The following GRIK2 variants were observed in gnomAD, a reference collection of about 807,000 sequenced individuals.
The protein encoded by GRIK2 is glutamate ionotropic receptor kainate type subunit 2, also known as glutamate receptor ionotropic, kainate 2.
In GRIK2, 32 loss-of-function variants were observed where a neutral mutation model predicts 100.3. The ratio of observed to expected loss-of-function variants is 0.32; its 90% CI spans 0.24 to 0.43. GRIK2 has a LOEUF of 0.43. Among genes scored for constraint, GRIK2 ranks in the 20% least tolerant of loss-of-function variants. GRIK2 has a pLI of 1.00. For missense variants in GRIK2, 843 were observed against 1,114.9 expected, an observed-to-expected ratio of 0.76 and a Z score of 3.47; for synonymous variants, 417 against 389.4, an observed-to-expected ratio of 1.07 and a Z score of -0.83.
At chr6:102,021,593 T>C (rs1279187732) in intron 14 of GRIK2, among the ~76,000 whole-genome samples, 1 of 151,622 alleles carries the variant, frequency 6.6e-6, no homozygotes, top group East Asian at 1.9e-4. Context: ...AGAGGTAATG[T>C]CCTAGAGTTT....
chr6:101,954,585 TATTA>T (rs1186249669), intron 14 of GRIK2, among the ~76,000 whole-genome samples: 1 of 152,194 alleles, frequency 6.6e-6, no homozygotes, highest in Non-Finnish European at 1.5e-5. Context: ...AGAACTCTTC[TATTA>T]ATTCTCAAAG....
intron 8 of GRIK2, among the ~76,000 whole-genome samples, chr6:101,801,449 A>G (rs1780662942): frequency 6.6e-6 from 1 of 152,022 alleles, no homozygotes; most frequent in Non-Finnish European, 1.5e-5. Context: ...TAAGTATCCA[A>G]ATATCATATG....
At chr6:101,587,124 T>A (rs28726672) in intron 2 of GRIK2, among the ~76,000 whole-genome samples, 1 of 151,918 alleles carries the variant, frequency 6.6e-6, no homozygotes, top group South Asian at 2.1e-4. Flanking sequence ...AATAGGGTTT[T>A]AAAAATGAAT....
At chr6:101,804,046 C>A (rs1780834065) in intron 9 of GRIK2, among the ~76,000 whole-genome samples, 1 of 151,814 alleles carries the variant, frequency 6.6e-6, no homozygotes. Flanking sequence ...TAAGATAATA[C>A]ATATTTGTAA....
chr6:101,717,953 TAA>T (rs1774184342), intron 7 of GRIK2, among the ~76,000 whole-genome samples: 1 of 151,808 alleles, frequency 6.6e-6, no homozygotes, highest in African/African-American at 2.4e-5. Flanking sequence ...AATGCCATAT[TAA>T]GTTATATTAG....
intron 2 of GRIK2, among the ~76,000 whole-genome samples, chr6:101,588,287 T>C (rs1409967726): frequency 1.3e-5 from 2 of 151,924 alleles, no homozygotes; most frequent in Non-Finnish European, 1.5e-5. Context: ...AGGAAAGATG[T>C]ATATGTAAAA....
chr6:101,457,141 A>T (rs1288162563), intron 2 of GRIK2, among the ~76,000 whole-genome samples: 2 of 152,164 alleles, frequency 1.3e-5, no homozygotes, highest in Non-Finnish European at 2.9e-5. Flanking sequence ...AGCTGCAGAT[A>T]TGTAACTGTC....
At chr6:101,982,116 G>A (rs1793746713) in intron 14 of GRIK2, among the ~76,000 whole-genome samples, 1 of 151,902 alleles carries the variant, frequency 6.6e-6, no homozygotes, top group South Asian at 2.1e-4. Flanking sequence ...AATTTGTGGT[G>A]GAGCTAGGGA....
intron 12 of GRIK2, among the ~76,000 whole-genome samples, chr6:101,901,501 C>T (rs564716654): frequency 2.0e-5 from 3 of 151,622 alleles, no homozygotes; most frequent in African/African-American, 7.2e-5. Context: ...AATTTGTAAT[C>T]CCATAACAAT....
rs1438067144 is a variant in GRIK2, at chr6:101,504,042, T to A, written c.115+104650T>A. Among the ~76,000 whole-genome samples, 7 of 152,242 alleles carry A rather than the reference T, an allele frequency of 4.6e-5. No homozygotes were observed. In the East Asian group the frequency reaches 1.2e-3, roughly 25 times the overall value. On this transcript the variant is annotated intron_variant, in intron 2 of 16. Transcript: ENST00000369134. ...CAACCAGATATTTCTAAATACTACA[T>A]TTATTTTATAGATGAGTAAACTAAC... is the stretch of plus-strand genomic sequence containing the variant.
At chr6:101,583,473 T>C (rs1488350795) in intron 2 of GRIK2, among the ~76,000 whole-genome samples, 1 of 152,132 alleles carries the variant, frequency 6.6e-6, no homozygotes, top group African/African-American at 2.4e-5. Flanking sequence ...ATCCCCATTA[T>C]TTAAGACTGC....
intron 14 of GRIK2, among the ~76,000 whole-genome samples, chr6:101,963,509 CTTTT>C (rs770178884): frequency 1.9e-5 from 2 of 106,108 alleles, no homozygotes; most frequent in Non-Finnish European, 1.8e-5. Context: ...TTCTTTCTTT[CTTTT>C]TTTTTTTTTT....
chr6:101,402,709 T>C (rs551550246), intron 2 of GRIK2, among the ~76,000 whole-genome samples: 2 of 152,228 alleles, frequency 1.3e-5, no homozygotes, highest in East Asian at 3.9e-4. Flanking sequence ...CTGCCCTAGG[T>C]CGAGCCAGAT....
chr6:101,611,402 C>A (rs1037181075), intron 2 of GRIK2, among the ~76,000 whole-genome samples: 1 of 151,836 alleles, frequency 6.6e-6, no homozygotes, highest in African/African-American at 2.4e-5. Flanking sequence ...CCTTTAACGT[C>A]TTCTCTAGTT....
intron 4 of GRIK2, among the ~76,000 whole-genome samples, chr6:101,631,451 A>G (rs1023399477): frequency 6.6e-6 from 1 of 152,158 alleles, no homozygotes; most frequent in Non-Finnish European, 1.5e-5. Context: ...CAAGAAGGGA[A>G]TGGAAATGCC....
intron 4 of GRIK2, among the ~76,000 whole-genome samples, chr6:101,651,822 G>C (rs1439184905): frequency 6.6e-6 from 1 of 152,122 alleles, no homozygotes; most frequent in Non-Finnish European, 1.5e-5. Context: ...AGTAGGGTCT[G>C]GGATGAACTA....
At chr6:101,529,105 C>G (rs1374866879) in intron 2 of GRIK2, among the ~76,000 whole-genome samples, 5 of 152,082 alleles carry the variant, frequency 3.3e-5, no homozygotes, top group Admixed American at 3.3e-4. Flanking sequence ...CCCATGCCTG[C>G]AGAAATTGAA....
intron 7 of GRIK2, among the ~76,000 whole-genome samples, chr6:101,741,002 A>C (rs567450977): frequency 3.9e-5 from 6 of 152,202 alleles, no homozygotes; most frequent in Non-Finnish European, 8.8e-5. Context: ...GACATCTGCA[A>C]ATTTAATTGG....
intron 7 of GRIK2, among the ~76,000 whole-genome samples, chr6:101,712,483 T>C (rs1773786362): frequency 6.6e-6 from 1 of 151,852 alleles, no homozygotes; most frequent in South Asian, 2.1e-4. Flanking sequence ...AACTTTGTCA[T>C]AAAATGTCGA....
Sources: allele counts gnomAD v4.1 joint callset (sites outside exome capture counted in the v4.1 genomes callset), GRCh38; gene constraint gnomAD v4.1.1; transcripts MANE v1.5; gene names NCBI Gene and HGNC (gene_info 2026-07-23, HGNC 2026-07-21).